The following ESRRG variants were observed in gnomAD, a reference collection of about 807,000 sequenced individuals.
The protein encoded by ESRRG is estrogen related receptor gamma, also known as estrogen-related receptor gamma.
Under a neutral mutation model 44.0 loss-of-function variants are expected in ESRRG, and 13 were observed. That is an observed-to-expected ratio of 0.30 (90% confidence interval 0.19 to 0.47). The LOEUF is 0.47. ESRRG is among the 20% of genes least tolerant of loss of function. The probability of loss-of-function intolerance (pLI) is 1.00; values close to 1 mark genes in which losing one functional copy is unlikely to be tolerated. For missense variants in ESRRG, 395 were observed against 580.6 expected, an observed-to-expected ratio of 0.68 and a Z score of 3.29; for synonymous variants, 215 against 214.6, an observed-to-expected ratio of 1.00 and a Z score of -0.02.
chr1:216,682,664 T>A (rs1305553286), intron 1 of ESRRG, among the ~76,000 whole-genome samples: 1 of 150,776 alleles, frequency 6.6e-6, no homozygotes, highest in Admixed American at 6.6e-5. Flanking sequence ...GATTAAATAT[T>A]TAAGTATTTG....
chr1:217,089,337 T>C (rs1197380832), intron 1 of ESRRG, among the ~76,000 whole-genome samples: 1 of 147,722 alleles, frequency 6.8e-6, no homozygotes, highest in Non-Finnish European at 1.5e-5. Flanking sequence ...GTACTTATGG[T>C]TGTGTTATTC....
chr1:216,835,605 A>G (rs1032770560), intron 2 of ESRRG, among the ~76,000 whole-genome samples: 1 of 152,216 alleles, frequency 6.6e-6, no homozygotes, highest in Non-Finnish European at 1.5e-5. Flanking sequence ...CACTTTAACA[A>G]CCGGAAAGGT....
chr1:216,976,919 A>C (rs932547470), intron 1 of ESRRG, among the ~76,000 whole-genome samples: 2 of 152,006 alleles, frequency 1.3e-5, no homozygotes, highest in Non-Finnish European at 2.9e-5. Flanking sequence ...AGCTTCCCCT[A>C]CTCTTTTTAT....
intron 1 of ESRRG, among the ~76,000 whole-genome samples, chr1:217,081,819 A>T (rs546219935): frequency 6.6e-6 from 1 of 152,322 alleles, no homozygotes; most frequent in Non-Finnish European, 1.5e-5. Flanking sequence ...ATTTCTAAGT[A>T]TTTACTACCA....
chr1:216,822,492 T>C (rs758675192), intron 2 of ESRRG, among the ~76,000 whole-genome samples: 1 of 152,154 alleles, frequency 6.6e-6, no homozygotes, highest in South Asian at 2.1e-4. Flanking sequence ...CACAAATCAA[T>C]AAATTTAAAG....
At chr1:216,799,824 C>G (rs1184382371) in intron 2 of ESRRG, among the ~76,000 whole-genome samples, 1 of 152,054 alleles carries the variant, frequency 6.6e-6, no homozygotes, top group African/African-American at 2.4e-5. Flanking sequence ...GGCACTTCCA[C>G]GGGACTGGGT....
intron 2 of ESRRG, among the ~76,000 whole-genome samples, chr1:216,742,363 G>A (rs2090858495): frequency 6.6e-6 from 1 of 152,072 alleles, no homozygotes; most frequent in Non-Finnish European, 1.5e-5. Context: ...AAGACTGTTG[G>A]GGGAAGAAAA....
chr1:216,594,498 G>A (rs1573755643), intron 3 of ESRRG, among the ~76,000 whole-genome samples: 2 of 152,132 alleles, frequency 1.3e-5, no homozygotes, highest in East Asian at 3.9e-4. Context: ...TAGGCAAACT[G>A]TCTTCTATCA....
intron 2 of ESRRG, among the ~76,000 whole-genome samples, chr1:216,900,682 G>C (rs1560038099): frequency 6.6e-6 from 1 of 152,120 alleles, no homozygotes; most frequent in Non-Finnish European, 1.5e-5. Flanking sequence ...ACACTTTAAG[G>C]AGTGGACCAA....
chr1:216,535,230 T>C (rs1480830487), intron 5 of ESRRG, among the ~76,000 whole-genome samples: 1 of 152,112 alleles, frequency 6.6e-6, no homozygotes, highest in Non-Finnish European at 1.5e-5. Context: ...CTGTGTAAAC[T>C]TCAGGCAGTC....
At chr1:216,711,298 A>C (rs765187794) in intron 1 of ESRRG, among the ~76,000 whole-genome samples, 6 of 152,084 alleles carry the variant, frequency 3.9e-5, no homozygotes, top group Non-Finnish European at 7.4e-5. Context: ...ATAGCCAATA[A>C]AGCATCCTCG....
chr1:216,911,630 C>T (rs1194328825), intron 2 of ESRRG, among the ~76,000 whole-genome samples: 1 of 152,030 alleles, frequency 6.6e-6, no homozygotes, highest in Non-Finnish European at 1.5e-5. Flanking sequence ...GTTCATCAAT[C>T]GTAACAAATG....
intron 1 of ESRRG, among the ~76,000 whole-genome samples, chr1:217,024,149 G>T (rs1277765444): frequency 1.3e-5 from 2 of 152,126 alleles, no homozygotes; most frequent in African/African-American, 4.8e-5. Flanking sequence ...ACGAGGTCAG[G>T]AGATGGAGAC....
At chr1:216,511,082 C>T (rs2148780178) in intron 6 of ESRRG, among the ~76,000 whole-genome samples, 1 of 152,076 alleles carries the variant, frequency 6.6e-6, no homozygotes, top group East Asian at 1.9e-4. Context: ...TAACATAAAC[C>T]AACAGTCAGT....
At chr1:216,679,699 AT>A (rs150997989) in intron 1 of ESRRG, among the ~76,000 whole-genome samples, 7 of 146,726 alleles carry the variant, frequency 4.8e-5, no homozygotes, top group South Asian at 4.3e-4. Flanking sequence ...CTCTTTTTAA[AT>A]TTTTTTTCCC....
At chr1:217,109,896 T>G (rs1462556195) in intron 1 of ESRRG, among the ~76,000 whole-genome samples, 1 of 152,190 alleles carries the variant, frequency 6.6e-6, no homozygotes, top group Non-Finnish European at 1.5e-5. Flanking sequence ...AGGTTTTAAT[T>G]TCTGGCTTCC....
chr1:217,127,306 C>T lies in ESRRG; in HGVS notation c.-230+10361G>A, dbSNP rs545221468. On this transcript the variant is annotated intron_variant, in intron 1 of 8. Transcript: ENST00000366940. ...TATAAGCTATTTTTCATGCCTGTGT[C>T]TTATGTTAGCAGTAACAAACGTGAT... is the stretch of plus-strand genomic sequence containing the variant. 2.6e-5 allele frequency among the ~76,000 whole-genome samples: 4 copies of T among 151,754 alleles called. No homozygotes were observed. In the South Asian group the frequency reaches 8.3e-4, roughly 31 times the overall value.
chr1:216,751,480 G>T (rs375685352), intron 2 of ESRRG, among the ~76,000 whole-genome samples: 2 of 152,020 alleles, frequency 1.3e-5, no homozygotes, highest in African/African-American at 2.4e-5. Flanking sequence ...CATTTGGTGG[G>T]GGGTATTTTG....
chr1:216,786,838 A>C (rs917804158), intron 2 of ESRRG, among the ~76,000 whole-genome samples: 1 of 152,066 alleles, frequency 6.6e-6, no homozygotes, highest in Non-Finnish European at 1.5e-5. Context: ...AGTGTCTAAG[A>C]CTCCACTTTG....
Sources: gnomAD v4.1 joint callset for allele counts (sites outside exome capture counted in the v4.1 genomes callset) on GRCh38, gnomAD v4.1.1 for gene constraint, MANE v1.5 for transcripts, NCBI Gene and HGNC (gene_info 2026-07-23, HGNC 2026-07-21) for gene names.